Variants in JADE1 observed in about 807,000 individuals in gnomAD.
The protein encoded by JADE1 is jade family PHD finger 1, also known as protein Jade-1.
JADE1 carries 14 observed loss-of-function variants against 81.8 expected under a neutral mutation model. The ratio of observed to expected loss-of-function variants is 0.17; its 90% CI spans 0.11 to 0.27. The LOEUF is 0.27. Ranked by LOEUF, JADE1 falls within the 10% of genes least tolerant of loss-of-function variation. The pLI, the probability that JADE1 is intolerant of heterozygous loss-of-function variation, is 1.00. For synonymous variants in JADE1, 353 were observed against 391.9 expected (o/e 0.90, Z 1.17); for missense variants, 690 against 1,047.9 (o/e 0.66, Z 4.71).
chr4:128,814,070 TTC>T (rs1726763236), intron 1 of JADE1, among the ~76,000 whole-genome samples: 1 of 151,752 alleles, frequency 6.6e-6, no homozygotes, highest in Admixed American at 6.6e-5. Flanking sequence ...ACCTTCTTAG[TTC>T]TCCCCGCTTC....
Position 128,857,302 on chromosome 4 carries a change from C to T in JADE1, c.865-36C>T, listed in dbSNP as rs372979071. The T allele has an allele frequency of 1.6e-5, 24 of 1,525,036 alleles. No individual in the cohort carries two copies. In the African/African-American group the frequency reaches 2.3e-4, roughly 15 times the overall value. The allele number at this position is 1,525,036 out of a possible 1,614,324, so 94.5% of individuals were successfully genotyped here. A position where few individuals can be genotyped will look rare whatever the true frequency, so the allele number is the denominator to read the frequency against. ...ACATTCATGTTCAGCCTTTGACGAC[C>T]TGAGCCACCCTGTCTTGCTGTTTTC... On this transcript the variant is annotated intron_variant, in intron 7 of 10. Coordinates refer to ENST00000226319, the MANE Select transcript of JADE1 (RefSeq NM_199320.4).
At chr4:128,857,913 T>C (rs1349422627) in intron 8 of JADE1, among the ~76,000 whole-genome samples, 2 of 152,134 alleles carry the variant, frequency 1.3e-5, no homozygotes, top group African/African-American at 2.4e-5. Flanking sequence ...TTCCATGGTG[T>C]GCGCACATCT....
intron 2 of JADE1, among the ~76,000 whole-genome samples, chr4:128,832,359 A>G (rs1467588680): frequency 6.6e-6 from 1 of 152,232 alleles, no homozygotes; most frequent in African/African-American, 2.4e-5. Context: ...ACCAGAAGTT[A>G]GTTGGCTTCC....
At chr4:128,869,345 A>C (rs1180595558) in intron 10 of JADE1, among the ~76,000 whole-genome samples, 1 of 152,198 alleles carries the variant, frequency 6.6e-6, no homozygotes, top group Non-Finnish European at 1.5e-5. Flanking sequence ...CTCTCTCTTC[A>C]TGATTCCTAC....
chr4:128,829,354 A>G (rs753322219), intron 1 of JADE1, among the ~76,000 whole-genome samples: 23 of 152,194 alleles, frequency 1.5e-4, no homozygotes, highest in Non-Finnish European at 2.8e-4. Flanking sequence ...CATGACCCAT[A>G]CTGATCAGGA....
intron 8 of JADE1, among the ~76,000 whole-genome samples, chr4:128,860,589 A>G (rs748928291): frequency 8.5e-5 from 13 of 152,208 alleles, no homozygotes; most frequent in Non-Finnish European, 1.5e-4. Flanking sequence ...GCTTCACACA[A>G]TGCAGTGCTG....
chr4:128,855,825 T>TAG, intron 7 of JADE1, 28 bp downstream of exon 7: 1 of 1,532,180 alleles, frequency 6.5e-7, no homozygotes, highest in Non-Finnish European at 8.8e-7. Context: ...TTTGTTGTTT[T>TAG]TACTTTTTTT....
chr4:128,849,972 A>G (rs116501315), intron 5 of JADE1, among the ~76,000 whole-genome samples: 3,632 of 152,226 alleles, frequency 0.024, 115 homozygotes, highest in African/African-American at 0.074. Flanking sequence ...GGCAAGGGCC[A>G]TGTATTGTAA....
chr4:128,856,149 G>T (rs886175247), intron 7 of JADE1, among the ~76,000 whole-genome samples: 1 of 152,200 alleles, frequency 6.6e-6, no homozygotes, highest in African/African-American at 2.4e-5. Context: ...CCTTAGCTCA[G>T]AAGGTCCTGG....
At chr4:128,859,535 G>T (rs1731132655) in intron 8 of JADE1, among the ~76,000 whole-genome samples, 1 of 148,120 alleles carries the variant, frequency 6.8e-6, no homozygotes, top group Admixed American at 6.8e-5. Flanking sequence ...GTGTATGTGT[G>T]TATGCATGCG....
chr4:128,859,709 A>G (rs1025317919), intron 8 of JADE1, among the ~76,000 whole-genome samples: 2 of 152,206 alleles, frequency 1.3e-5, no homozygotes, highest in Non-Finnish European at 2.9e-5. Flanking sequence ...GAGTATGCCA[A>G]TCTGGTCCAT....
chr4:128,850,781 C>CCAT (rs1331944417), intron 5 of JADE1, among the ~76,000 whole-genome samples: 6 of 152,202 alleles, frequency 3.9e-5, no homozygotes, highest in Non-Finnish European at 8.8e-5. Flanking sequence ...AGCCCAAAGA[C>CCAT]TCTTCGCATT....
At chr4:128,822,220 G>C (rs1227536364) in intron 1 of JADE1, among the ~76,000 whole-genome samples, 3 of 152,100 alleles carry the variant, frequency 2.0e-5, no homozygotes, top group Non-Finnish European at 4.4e-5. Context: ...CTTTACTACT[G>C]GCCGGGTGTG....
At chr4:128,834,538 T>C (rs1235575414) in intron 2 of JADE1, among the ~76,000 whole-genome samples, 4 of 147,974 alleles carry the variant, frequency 2.7e-5, no homozygotes, top group Non-Finnish European at 4.5e-5. Flanking sequence ...TTCTTTTTTT[T>C]TTTTTTTTTT....
At position 128,872,214 on chromosome 4, in the gene JADE1, T is replaced by G; in HGVS notation, c.2481T>G (p.Thr827=). The G allele has an allele frequency of 6.2e-7, 1 of 1,614,166 alleles. No individual in the cohort carries two copies. Among genetic ancestry groups the G allele is most frequent in the Non-Finnish European group, 8.5e-7 (1 of 1,180,010 alleles). The stretch of plus-strand genomic sequence containing the variant: ...AGAAATGTATACACACCAGCAGCAC[T>G]ATCAGCAGAAGGACAGACATTATCA... ...SEKKCIHTSS[T]ISRRTDIIRR... is the part of the protein sequence containing the mutation. The change falls in exon 11 of 11, where the codon ACT becomes ACG. Residue 827 remains threonine (T), a synonymous_variant. Coordinates refer to ENST00000226319, the MANE Select transcript of JADE1 (RefSeq NM_199320.4).
At chr4:128,842,886 A>G in intron 2 of JADE1, 67 bp from the exon 3 acceptor site, 1 of 1,415,298 alleles carries the variant, frequency 7.1e-7, no homozygotes, top group Non-Finnish European at 1.0e-6. Context: ...GGGTAAGAAA[A>G]CCCCTGAGAA....
At chr4:128,810,450 GTTT>G (rs397880705) in intron 1 of JADE1, 1,362 of 113,890 alleles carry the variant, frequency 0.012, 23 homozygotes, top group African/African-American at 0.038. Flanking sequence ...TAGTTTATAG[GTTT>G]TTTTTTTTTT....
At chr4:128,864,175 T>G in intron 9 of JADE1, 1 of 948,744 alleles carries the variant, frequency 1.1e-6, no homozygotes, top group Non-Finnish European at 1.3e-6. Context: ...CAAGACAGAG[T>G]CTCACTTTGT....
At chr4:128,870,844 CAT>C (rs1732136769) in intron 10 of JADE1, among the ~76,000 whole-genome samples, 1 of 152,216 alleles carries the variant, frequency 6.6e-6, no homozygotes, top group Non-Finnish European at 1.5e-5. Flanking sequence ...TATTCATTCA[CAT>C]GTTTACATGT....
Sources: allele counts gnomAD v4.1 joint callset (sites outside exome capture counted in the v4.1 genomes callset), GRCh38; gene constraint gnomAD v4.1.1; transcripts MANE v1.5; gene names NCBI Gene and HGNC (gene_info 2026-07-23, HGNC 2026-07-21).